The following LARGE1 variants were observed in gnomAD, a reference collection of about 807,000 sequenced individuals.
LARGE1 encodes xylosyl- and glucuronyltransferase LARGE1.
In LARGE1, 43 loss-of-function variants were observed where a neutral mutation model predicts 87.6. That is an observed-to-expected ratio of 0.49 (90% CI 0.38 to 0.63). The LOEUF (loss-of-function observed/expected upper bound fraction) is 0.63, where lower values mean the gene tolerates loss of function less well. Ranked by LOEUF, LARGE1 falls within the 30% of genes least tolerant of loss-of-function variation. The pLI is 0.00. For missense variants in LARGE1, 802 were observed against 1,000.2 expected, an observed-to-expected ratio of 0.80 and a Z score of 2.67; for synonymous variants, 434 against 394.6, an observed-to-expected ratio of 1.10 and a Z score of -1.18.
intron 3 of LARGE1, among the ~76,000 whole-genome samples, chr22:33,630,972 T>C (rs1301975040): frequency 6.6e-6 from 1 of 151,716 alleles, no homozygotes; most frequent in Non-Finnish European, 1.5e-5. Flanking sequence ...CCTGCCTCAG[T>C]CTCCCGAGTA....
At chr22:33,758,384 G>A (rs1023594536) in intron 2 of LARGE1, among the ~76,000 whole-genome samples, 2 of 152,106 alleles carry the variant, frequency 1.3e-5, no homozygotes, top group African/African-American at 2.4e-5. Context: ...ATACAAATGC[G>A]GCAGCCCGAA....
chr22:33,127,073 T>A, the LARGE1 span, among the ~76,000 whole-genome samples: 5 of 152,218 alleles, frequency 3.3e-5, no homozygotes, highest in Non-Finnish European at 5.9e-5. Context: ...GATCAGTGGT[T>A]TCTGAGCACC....
At chr22:33,212,333 T>C (rs1366537503) in intron 11 of LARGE1, among the ~76,000 whole-genome samples, 1 of 152,222 alleles carries the variant, frequency 6.6e-6, no homozygotes, top group Admixed American at 6.5e-5. Context: ...TTATGCCATA[T>C]CTATTCTGTC....
At chr22:33,594,916 T>C (rs141728968) in intron 5 of LARGE1, among the ~76,000 whole-genome samples, 1 of 152,182 alleles carries the variant, frequency 6.6e-6, no homozygotes, top group African/African-American at 2.4e-5. Context: ...TGAAGTTGTT[T>C]CTTAACAGAA....
At chr22:33,224,235 C>T (rs1190091201) in intron 11 of LARGE1, among the ~76,000 whole-genome samples, 1 of 151,778 alleles carries the variant, frequency 6.6e-6, no homozygotes, top group African/African-American at 2.4e-5. Context: ...CACTGCACTC[C>T]AGCCTGGGTG....
At chr22:33,796,402 A>G (rs755590011) in intron 1 of LARGE1, among the ~76,000 whole-genome samples, 1 of 152,184 alleles carries the variant, frequency 6.6e-6, no homozygotes, top group African/African-American at 2.4e-5. Context: ...AGCGTCGCCG[A>G]CTTCTGACTG....
At chr22:33,158,312 T>C (rs1921927477), downstream of LARGE1, among the ~76,000 whole-genome samples, 1 of 152,154 alleles carries the variant, frequency 6.6e-6, no homozygotes, top group Non-Finnish European at 1.5e-5. Context: ...TTTAAATCTT[T>C]TGAAACAACT....
chr22:33,400,864 C>CTCATT (rs1447820138), intron 7 of LARGE1, among the ~76,000 whole-genome samples: 1 of 152,204 alleles, frequency 6.6e-6, no homozygotes, highest in Non-Finnish European at 1.5e-5. Flanking sequence ...ACTTTAATTC[C>CTCATT]TCATTTATGA....
intron 11 of LARGE1, among the ~76,000 whole-genome samples, chr22:33,266,612 A>C (rs1927958326): frequency 6.6e-6 from 1 of 151,672 alleles, no homozygotes; most frequent in African/African-American, 2.4e-5. Flanking sequence ...TTGCTGATTA[A>C]ATAAGAAAAT....
chr22:33,467,337 G>A (rs887341994), intron 6 of LARGE1, among the ~76,000 whole-genome samples: 11 of 152,156 alleles, frequency 7.2e-5, no homozygotes, highest in African/African-American at 2.7e-4. Flanking sequence ...ATTGGCAAAA[G>A]TCCTCCAATC....
chr22:33,320,978 C>T (rs958084488), intron 10 of LARGE1: 13 of 152,230 alleles, frequency 8.5e-5, no homozygotes, highest in East Asian at 3.9e-4. Flanking sequence ...CATGTGAAGA[C>T]GCAGATGCAG....
At chr22:33,233,751 T>C (rs1459468429) in intron 11 of LARGE1, among the ~76,000 whole-genome samples, 3 of 152,200 alleles carry the variant, frequency 2.0e-5, no homozygotes, top group Non-Finnish European at 4.4e-5. Context: ...CACAGACTGG[T>C]AACCAATGGA....
chr22:33,721,482 A>C (rs971601507), intron 2 of LARGE1, among the ~76,000 whole-genome samples: 3 of 152,228 alleles, frequency 2.0e-5, no homozygotes, highest in African/African-American at 7.2e-5. Flanking sequence ...CTTACCTTAA[A>C]TGTCTGGGTG....
intron 2 of LARGE1, among the ~76,000 whole-genome samples, chr22:33,697,750 T>C (rs1311516783): frequency 1.3e-5 from 2 of 151,960 alleles, no homozygotes; most frequent in African/African-American, 2.4e-5. Flanking sequence ...GAAGAAAGAG[T>C]TGAAAGTCCC....
intron 1 of LARGE1, among the ~76,000 whole-genome samples, chr22:33,885,226 G>A (rs2064812421): frequency 6.6e-6 from 1 of 151,972 alleles, no homozygotes. Flanking sequence ...TCCTATACCA[G>A]TGACTCTATC....
intron 11 of LARGE1, among the ~76,000 whole-genome samples, chr22:33,174,454 T>G (rs577016849): frequency 2.0e-5 from 3 of 151,840 alleles, no homozygotes; most frequent in Non-Finnish European, 4.4e-5. Context: ...GCAAACAAAT[T>G]CAAAAGCTAG....
chr22:33,550,060 G>T (rs769854631), intron 6 of LARGE1, among the ~76,000 whole-genome samples: 19 of 151,782 alleles, frequency 1.3e-4, no homozygotes, highest in Admixed American at 2.6e-4. Flanking sequence ...ATTAGTTAAT[G>T]GGTGCAGCAA....
chr22:33,708,696 G>A (rs959774382), intron 2 of LARGE1, among the ~76,000 whole-genome samples: 1 of 152,184 alleles, frequency 6.6e-6, no homozygotes, highest in Non-Finnish European at 1.5e-5. Context: ...TGCCTCCCGC[G>A]TTCAAGCGAT....
intron 1 of LARGE1, among the ~76,000 whole-genome samples, chr22:33,871,285 A>T (rs1316807523): frequency 6.6e-6 from 1 of 152,240 alleles, no homozygotes; most frequent in Admixed American, 6.5e-5. Context: ...TAGAGTACAA[A>T]GCAGACAGAG....
Sources: gnomAD v4.1 joint callset for allele counts (sites outside exome capture counted in the v4.1 genomes callset) on GRCh38, gnomAD v4.1.1 for gene constraint, MANE v1.5 for transcripts, NCBI Gene and HGNC (gene_info 2026-07-23, HGNC 2026-07-21) for gene names.